NHS: variants seen among roughly 807,000 people sequenced by gnomAD.
The protein encoded by NHS is NHS actin remodeling regulator.
A neutral mutation model predicts 72.5 loss-of-function variants in NHS; 5 were observed. The observed-to-expected ratio is 0.07, with a 90% CI of 0.04 to 0.14. NHS has a LOEUF of 0.14. NHS is among the 10% of genes least tolerant of loss of function. The pLI, the probability that NHS is intolerant of heterozygous loss-of-function variation, is 1.00. For missense variants in NHS, 1,072 were observed against 1,355.7 expected (o/e 0.79, Z 3.29); for synonymous variants, 464 against 547.7 (o/e 0.85, Z 2.13).
At chrX:17,718,546 GGGAAGGAAGAAA>G (rs2066380291) in intron 3 of NHS, among the ~76,000 whole-genome samples, 1 of 95,991 alleles carries the variant, frequency 1.0e-5, no homozygotes. Context: ...AAAGGAAGGA[GGGAAGGAAGAAA>G]GGAAGGAAGG....
chrX:17,716,963 T>C (rs2066367815), intron 3 of NHS, among the ~76,000 whole-genome samples: 1 of 86,601 alleles, frequency 1.2e-5, no homozygotes, highest in Admixed American at 1.2e-4. Context: ...CCCCTTACTC[T>C]TTTTTTTTTT....
At chrX:17,599,262 T>C (rs1205279454) in intron 1 of NHS, among the ~76,000 whole-genome samples, 6 of 111,662 alleles carry the variant, frequency 5.4e-5, no homozygotes, top group Non-Finnish European at 1.1e-4. Flanking sequence ...CACACAGCCA[T>C]AGGGTAAACA....
intron 1 of NHS, among the ~76,000 whole-genome samples, chrX:17,573,885 T>C (rs937697091): frequency 2.7e-5 from 3 of 111,937 alleles, no homozygotes; most frequent in Non-Finnish European, 5.6e-5. Context: ...TTTTTGTTGA[T>C]GTTGATGCTA....
chrX:17,572,986 T>G (rs751676676), intron 1 of NHS, among the ~76,000 whole-genome samples: 4 of 112,202 alleles, frequency 3.6e-5, no homozygotes, highest in African/African-American at 9.7e-5. Context: ...TTCTTTTCTT[T>G]AGGAATGTTG....
chrX:17,583,683 C>T (rs1420827517), intron 1 of NHS, among the ~76,000 whole-genome samples: 3 of 112,007 alleles, frequency 2.7e-5, no homozygotes, highest in African/African-American at 6.5e-5. Flanking sequence ...TTCATGCCAT[C>T]CCACCTTGCC....
intron 1 of NHS, among the ~76,000 whole-genome samples, chrX:17,486,120 AGT>A (rs2064966589): frequency 8.9e-6 from 1 of 112,271 alleles, no homozygotes; most frequent in African/African-American, 3.2e-5. Context: ...GTCTGCATGT[AGT>A]AGGTGCTCAG....
chrX:17,493,923 T>C (rs1474478697), intron 1 of NHS, among the ~76,000 whole-genome samples: 7 of 109,713 alleles, frequency 6.4e-5, no homozygotes, highest in Non-Finnish European at 1.1e-4. Context: ...ATGCACTCAT[T>C]TGTGAGTTAG....
chrX:17,663,999 G>A (rs1357397511), intron 1 of NHS, among the ~76,000 whole-genome samples: 2 of 100,514 alleles, frequency 2.0e-5, no homozygotes, highest in East Asian at 6.4e-4. Context: ...TATATCTTGT[G>A]AGGTGTCTAA....
At chrX:17,712,282 T>TAC (rs1456430132) in intron 3 of NHS, among the ~76,000 whole-genome samples, 2 of 78,838 alleles carry the variant, frequency 2.5e-5, no homozygotes, top group Non-Finnish European at 4.6e-5. Flanking sequence ...TATATATATA[T>TAC]ATATATATAC....
intron 3 of NHS, among the ~76,000 whole-genome samples, chrX:17,711,271 G>A (rs1465948811): frequency 9.0e-6 from 1 of 111,492 alleles, no homozygotes; most frequent in Non-Finnish European, 1.9e-5. Context: ...CAGTGATCAT[G>A]GTCCAGTGGG....
chrX:17,568,117 C>T (rs998666135), intron 1 of NHS, among the ~76,000 whole-genome samples: 1 of 111,718 alleles, frequency 9.0e-6, no homozygotes, highest in African/African-American at 3.3e-5. Flanking sequence ...TGGCTACAAA[C>T]GTCAAAGAGA....
chrX:17,615,657 T>A (rs2065741723), intron 1 of NHS, among the ~76,000 whole-genome samples: 1 of 110,770 alleles, frequency 9.0e-6, no homozygotes, highest in Non-Finnish European at 1.9e-5. Context: ...GTTTGGTCCC[T>A]TTGGACTTTT....
intron 1 of NHS, among the ~76,000 whole-genome samples, chrX:17,427,426 G>A (rs534595902): frequency 8.9e-6 from 1 of 112,323 alleles, no homozygotes; most frequent in East Asian, 2.8e-4. Flanking sequence ...AACTCATGCC[G>A]CTGTTGTTAT....
intron 1 of NHS, among the ~76,000 whole-genome samples, chrX:17,382,474 C>T (rs146420324): frequency 2.1e-4 from 24 of 112,260 alleles, no homozygotes; most frequent in African/African-American, 7.8e-4. Context: ...TGTTCTTAAA[C>T]AAATTCTTCA....
intron 1 of NHS, among the ~76,000 whole-genome samples, chrX:17,555,043 C>G (rs1601767080): frequency 1.8e-5 from 2 of 109,548 alleles, no homozygotes; most frequent in African/African-American, 3.3e-5. Context: ...ATGTTCCCCT[C>G]CCTGTGTCCA....
At chrX:17,380,572 C>T (rs775273164) in intron 1 of NHS, among the ~76,000 whole-genome samples, 4 of 110,668 alleles carry the variant, frequency 3.6e-5, no homozygotes, top group South Asian at 7.8e-4. Flanking sequence ...GGGGTGGTCT[C>T]GAACTCTTGC....
chrX:17,480,049 A>T (rs914836917), intron 1 of NHS, among the ~76,000 whole-genome samples: 1 of 111,663 alleles, frequency 9.0e-6, no homozygotes, highest in Non-Finnish European at 1.9e-5. Flanking sequence ...AGAGAATAAA[A>T]TACCTAGGAA....
At chrX:17,710,381 C>G (rs2066322918) in intron 3 of NHS, among the ~76,000 whole-genome samples, 1 of 112,360 alleles carries the variant, frequency 8.9e-6, no homozygotes, top group Non-Finnish European at 1.9e-5. Context: ...CTCAGGTTGA[C>G]ATTCTGTTGC....
chrX:17,725,235 A>G (rs2066433326), intron 6 of NHS, 112 bp from the exon 7 acceptor site: 1 of 514,662 alleles, frequency 1.9e-6, no homozygotes, highest in African/African-American at 2.5e-5. Flanking sequence ...TCTGTTAAAG[A>G]AAAAAAAAAA....
Sources: gnomAD v4.1 joint callset for allele counts (sites outside exome capture counted in the v4.1 genomes callset) on GRCh38, gnomAD v4.1.1 for gene constraint, MANE v1.5 for transcripts, NCBI Gene and HGNC (gene_info 2026-07-23, HGNC 2026-07-21) for gene names.